Variants in CENPO observed in about 807,000 individuals in gnomAD.
The protein encoded by CENPO is centromere protein O, also known as centromeric protein O.
A neutral mutation model predicts 36.1 loss-of-function variants in CENPO; 30 were observed. That is an observed-to-expected ratio of 0.83 (90% confidence interval 0.62 to 1.13). The LOEUF is 1.13. Among genes scored for constraint, CENPO ranks in the 50% most tolerant of loss-of-function variants. CENPO has a pLI of 0.00. For missense variants in CENPO, 349 were observed against 357.8 expected (o/e 0.98, Z 0.20); for synonymous variants, 171 against 142.3 (o/e 1.20, Z -1.44).
Position 24,821,667 on chromosome 2 carries a change from G to A in CENPO, c.*2349G>A, listed in dbSNP as rs754567155. Reference sequence around the variant, plus strand: ...TGTGCCAGGGGACCGTGGAGAAAGTGTCAGGGGCCGCTCACTGCAGCAGCC... The same window carrying A: ...TGTGCCAGGGGACCGTGGAGAAAGTATCAGGGGCCGCTCACTGCAGCAGCC... On this transcript the variant is annotated 3_prime_UTR_variant, in exon 8 of 8. Coordinates refer to ENST00000380834, the MANE Select transcript of CENPO (RefSeq NM_001322101.2). 3 of 1,611,930 alleles carry A rather than the reference G, an allele frequency of 1.9e-6. No individual in the cohort carries two copies. Among genetic ancestry groups the A allele is most frequent in the South Asian group, 2.2e-5 (2 of 90,878 alleles).
intron 2 of CENPO, 41 bp from the exon 3 acceptor site, chr2:24,799,634 A>T (rs1666072041): frequency 6.6e-7 from 1 of 1,526,506 alleles, no homozygotes; most frequent in Admixed American, 1.9e-5. Context: ...ACAGTGAGAA[A>T]TCCTCAGCTT....
chr2:24,800,421 G>A (rs1045195390), intron 3 of CENPO, among the ~76,000 whole-genome samples: 13 of 151,868 alleles, frequency 8.6e-5, no homozygotes, highest in African/African-American at 2.7e-4. Flanking sequence ...GGTGTGCTGC[G>A]CCCATTAACT....
chr2:24,807,639 CTT>C (rs1308208718), intron 3 of CENPO, among the ~76,000 whole-genome samples: 4 of 152,154 alleles, frequency 2.6e-5, no homozygotes, highest in Non-Finnish European at 4.4e-5. Flanking sequence ...AAAATATACA[CTT>C]ATATATTGGG....
chr2:24,795,339 G>A (rs1012798355), intron 2 of CENPO, among the ~76,000 whole-genome samples: 4 of 152,208 alleles, frequency 2.6e-5, no homozygotes, highest in African/African-American at 9.6e-5. Flanking sequence ...AGGACATGGA[G>A]TTGTAGTTGC....
chr2:24,818,159 C>CT (rs5829939), intron 7 of CENPO, among the ~76,000 whole-genome samples: 152,150 of 152,356 alleles, frequency 1, 75,972 homozygotes, highest in Middle Eastern at 1. Context: ...AGGGCATTAA[C>CT]TCTGGGAAAG....
Position 24,821,599 on chromosome 2 carries a change from G to A in CENPO, c.*2281G>A. 1 of 1,614,180 alleles carries A rather than the reference G, an allele frequency of 6.2e-7. No homozygotes were observed. Among genetic ancestry groups the A allele is most frequent in the Non-Finnish European group, 8.5e-7 (1 of 1,180,024 alleles). ...TCATGGCCAGCGCGAAGTCGGCCAG[G>A]TCAGCCAGGTGCTGCCAGCGCTCTC... On this transcript the variant is annotated 3_prime_UTR_variant, in exon 8 of 8. Coordinates refer to ENST00000380834, the MANE Select transcript of CENPO (RefSeq NM_001322101.2).
chr2:24,810,313 C>T (rs1279466251), intron 3 of CENPO, among the ~76,000 whole-genome samples: 1 of 151,864 alleles, frequency 6.6e-6, no homozygotes, highest in African/African-American at 2.4e-5. Flanking sequence ...GGTGTGGTGG[C>T]TCACGCCTGT....
At chr2:24,814,629 C>T in intron 4 of CENPO, 136 bp downstream of exon 4, 1 of 641,570 alleles carries the variant, frequency 1.6e-6, no homozygotes, top group South Asian at 1.7e-5. Context: ...CTCACACACA[C>T]ACACACACAC....
In CENPO at chr2:24,821,963, C is replaced by T; in HGVS notation, c.*2645C>T. ...TCAGGTTGTCCTTGTTTGGATCCCT[C>T]AACTAGGTGATAAGCACTGGAGGGG... On this transcript the variant is annotated 3_prime_UTR_variant, in exon 8 of 8. Coordinates refer to ENST00000380834, the MANE Select transcript of CENPO (RefSeq NM_001322101.2). 3.3e-6 allele frequency: 1 copy of T among 299,540 alleles called. No homozygotes were observed. Among genetic ancestry groups the T allele is most frequent in the South Asian group, 4.9e-5 (1 of 20,580 alleles). 18.6% of individuals were successfully genotyped at this position (299,540 alleles called of 1,614,324 possible).
At chr2:24,813,130 C>T (rs1489146193) in intron 3 of CENPO, among the ~76,000 whole-genome samples, 1 of 152,016 alleles carries the variant, frequency 6.6e-6, no homozygotes, top group Non-Finnish European at 1.5e-5. Flanking sequence ...CCTGTAATCC[C>T]AGCTACTCGG....
rs1309572942 is a variant in CENPO, at chr2:24,821,317, C to T, written c.*1999C>T. 5.9e-6 allele frequency: 4 copies of T among 678,912 alleles called. No individual in the cohort carries two copies. The East Asian group carries it at 1.1e-4, about 19-fold the overall frequency. The allele number at this position is 678,912 out of a possible 1,614,324, so 42.1% of individuals were successfully genotyped here. A position where few individuals can be genotyped will look rare whatever the true frequency, so the allele number is the denominator to read the frequency against. On this transcript the variant is annotated 3_prime_UTR_variant, in exon 8 of 8. Transcript: ENST00000380834. The stretch of plus-strand genomic sequence containing the variant: ...AGTAGGCACAGTATAGTCGGATCAT[C>T]ACATCAGCTGGGTTTTTGGTTTAGT...
intron 3 of CENPO, among the ~76,000 whole-genome samples, chr2:24,806,577 A>G (rs1572732490): frequency 6.6e-6 from 1 of 152,150 alleles, no homozygotes; most frequent in South Asian, 2.1e-4. Flanking sequence ...AATCATATAC[A>G]TATTGGGTAT....
rs557677251 is a variant in CENPO at position 24,819,902 on chromosome 2, C to T, written c.*584C>T. The T allele has an allele frequency of 5.6e-5, 90 of 1,602,066 alleles. 1 individual carries two copies. The highest frequency in any genetic ancestry group is 5.4e-4 in the Admixed American group (31 of 57,244). ...GTTTCAAAAAATAAATTCTCCCTTC[C>T]GGTTTGGACTGTTGCAGGCTCGAGG... is the stretch of plus-strand genomic sequence containing the variant. On this transcript the variant is annotated 3_prime_UTR_variant, in exon 8 of 8. Coordinates refer to ENST00000380834, the MANE Select transcript of CENPO (RefSeq NM_001322101.2).
intron 3 of CENPO, among the ~76,000 whole-genome samples, chr2:24,807,591 T>G (rs1666478482): frequency 6.6e-6 from 1 of 152,232 alleles, no homozygotes; most frequent in Non-Finnish European, 1.5e-5. Flanking sequence ...TGAATGCTGC[T>G]GCTGTTAACA....
Position 24,806,281 on chromosome 2 carries a change from G to A in CENPO, c.216+6437G>A, listed in dbSNP as rs191842647. Among the ~76,000 whole-genome samples the A allele has an allele frequency of 2.4e-3, 364 of 152,338 alleles. 2 individuals carry two copies. The highest frequency in any genetic ancestry group is 8.0e-3 in the African/African-American group (332 of 41,580). On this transcript the variant is annotated intron_variant, in intron 3 of 7. Transcript: ENST00000380834. ...ACCCCTTGCGCTTCCTGGGTGAGGCGATGCCTCGCCCTGCTTTGGCTCACA... is the reference window on the plus strand; with the variant it reads ...ACCCCTTGCGCTTCCTGGGTGAGGCAATGCCTCGCCCTGCTTTGGCTCACA...
intron 7 of CENPO, 78 bp downstream of exon 7, chr2:24,817,919 C>T: frequency 8.5e-7 from 1 of 1,179,180 alleles, no homozygotes; most frequent in Middle Eastern, 2.8e-4. Flanking sequence ...CTGATGAAAA[C>T]AGACACCTAC....
At chr2:24,818,366 G>A (rs1667059821) in intron 7 of CENPO, among the ~76,000 whole-genome samples, 1 of 151,686 alleles carries the variant, frequency 6.6e-6, no homozygotes, top group South Asian at 2.1e-4. Context: ...AAGATAATAA[G>A]GAAGACCCAA....
intron 2 of CENPO, among the ~76,000 whole-genome samples, chr2:24,799,217 C>T (rs932983252): frequency 2.6e-5 from 4 of 151,994 alleles, no homozygotes; most frequent in Non-Finnish European, 4.4e-5. Context: ...AGGCTGGTCT[C>T]GAACTCCTGA....
chr2:24,814,024 C>T (rs1450705529), intron 3 of CENPO, among the ~76,000 whole-genome samples: 1 of 152,198 alleles, frequency 6.6e-6, no homozygotes, highest in African/African-American at 2.4e-5. Flanking sequence ...CCACACTGTC[C>T]AAGCACAACT....
Sources: gnomAD v4.1 joint callset for allele counts (sites outside exome capture counted in the v4.1 genomes callset) on GRCh38, gnomAD v4.1.1 for gene constraint, MANE v1.5 for transcripts, NCBI Gene and HGNC (gene_info 2026-07-23, HGNC 2026-07-21) for gene names.